PTPN2: variants seen among roughly 807,000 people sequenced by gnomAD.
PTPN2 encodes the protein tyrosine-protein phosphatase non-receptor type 2.
A neutral mutation model predicts 57.3 loss-of-function variants in PTPN2; 19 were observed. The observed-to-expected ratio is 0.33, with a 90% CI of 0.23 to 0.49. The LOEUF is 0.49. Ranked by LOEUF, PTPN2 falls within the 20% of genes least tolerant of loss-of-function variation. The pLI, the probability that PTPN2 is intolerant of heterozygous loss-of-function variation, is 0.99. For synonymous variants in PTPN2, 153 were observed against 164.9 expected, an observed-to-expected ratio of 0.93 and a Z score of 0.55; for missense variants, 358 against 501.1, an observed-to-expected ratio of 0.71 and a Z score of 2.73.
At position 12,851,485 on chromosome 18, in the gene PTPN2, CAAAAAAAAAAAA is replaced by C. The variant is rs1218202992; in HGVS notation, c.160+7667_160+7678del. ...TGGGCGACAGAGCGAGACTCCGTCT[CAAAAAAAAAAAA>C]AAAAAAAGAAAAAAGAATAATATTA... On this transcript the variant is annotated intron_variant, in intron 2 of 8. Transcript: ENST00000309660. 2.0e-4 allele frequency among the ~76,000 whole-genome samples: 2 copies of C among 9,908 alleles called. 1 individual carries two copies. Among genetic ancestry groups the C allele is most frequent in the African/African-American group, 4.4e-4 (2 of 4,518 alleles). 6.5% of individuals were successfully genotyped at this position (9,908 alleles called of 152,430 possible).
intron 2 of PTPN2, among the ~76,000 whole-genome samples, chr18:12,858,456 G>A (rs969988089): frequency 3.3e-5 from 5 of 152,156 alleles, no homozygotes; most frequent in African/African-American, 7.2e-5. Flanking sequence ...AATTGTGTGC[G>A]TCTGTGTGTG....
chr18:12,831,150 A>G, intron 3 of PTPN2, 109 bp from the exon 4 acceptor site: 1 of 650,640 alleles, frequency 1.5e-6, no homozygotes, highest in Non-Finnish European at 2.7e-6. Context: ...CAGACAGCGG[A>G]CGGGCTTATA....
intron 1 of PTPN2, among the ~76,000 whole-genome samples, chr18:12,865,290 C>G (rs1199428867): frequency 6.6e-6 from 1 of 151,858 alleles, no homozygotes; most frequent in African/African-American, 2.4e-5. Flanking sequence ...TTAAAATTAG[C>G]AAGGCATGGT....
chr18:12,845,433 A>C (rs1377936837), intron 2 of PTPN2, among the ~76,000 whole-genome samples: 1 of 151,962 alleles, frequency 6.6e-6, no homozygotes, highest in Non-Finnish European at 1.5e-5. Flanking sequence ...AACATATTCC[A>C]TTTTCTTAGA....
chr18:12,884,115 G>A lies in PTPN2; in HGVS notation c.27C>T (p.Phe9=), dbSNP rs1330425585. Residue 9 remains phenylalanine, a synonymous_variant, in exon 1 of 9, where the codon TTC becomes TTT. Coordinates refer to ENST00000309660, the MANE Select transcript of PTPN2 (RefSeq NM_002828.4). Reference sequence around the variant, plus strand: ...AGCGACGCTGAGTATCCAACTCTTCGAACTCCCGCTCGATGGTGGTGGGCA... The same window carrying A: ...AGCGACGCTGAGTATCCAACTCTTCAAACTCCCGCTCGATGGTGGTGGGCA... MPTTIERE[F]EELDTQRRWQ... is the part of the protein sequence containing the mutation. The A allele has an allele frequency of 1.3e-6, 2 of 1,588,784 alleles. No individual in the cohort carries two copies. The highest frequency in any genetic ancestry group is 3.5e-5 in the Admixed American group (2 of 57,014).
intron 1 of PTPN2, chr18:12,880,786 G>A (rs1409742232): frequency 2.0e-5 from 3 of 152,122 alleles, no homozygotes; most frequent in Admixed American, 6.5e-5. Flanking sequence ...ATCTTCCCTA[G>A]ATGATCTCAT....
intron 2 of PTPN2, among the ~76,000 whole-genome samples, chr18:12,852,244 C>T (rs2043423509): frequency 8.7e-6 from 1 of 115,330 alleles, no homozygotes; most frequent in Admixed American, 9.5e-5. Context: ...TGTTTCATGG[C>T]CAGTGAAAAG....
At chr18:12,841,471 A>T (rs1055998457) in intron 2 of PTPN2, among the ~76,000 whole-genome samples, 1 of 152,252 alleles carries the variant, frequency 6.6e-6, no homozygotes, top group Non-Finnish European at 1.5e-5. Context: ...AATACACTGA[A>T]AGCGTAATCA....
At chr18:12,865,438 T>TAAA (rs376422275) in intron 1 of PTPN2, among the ~76,000 whole-genome samples, 1 of 129,488 alleles carries the variant, frequency 7.7e-6, no homozygotes, top group Non-Finnish European at 1.7e-5. Context: ...CTGTCTTTAT[T>TAAA]AAAAAAAAAA....
intron 7 of PTPN2, among the ~76,000 whole-genome samples, chr18:12,804,681 C>T (rs765568914): frequency 2.0e-5 from 3 of 152,082 alleles, no homozygotes; most frequent in Admixed American, 6.5e-5. Flanking sequence ...CAAAACGGAA[C>T]CATGAAGACA....
intron 7 of PTPN2, among the ~76,000 whole-genome samples, chr18:12,807,843 G>A (rs897708591): frequency 6.6e-6 from 1 of 151,776 alleles, no homozygotes; most frequent in African/African-American, 2.4e-5. Context: ...TCAACAGGGG[G>A]ATGAGTTCTG....
At chr18:12,873,629 G>T (rs1276437157) in intron 1 of PTPN2, among the ~76,000 whole-genome samples, 1 of 152,162 alleles carries the variant, frequency 6.6e-6, no homozygotes, top group Admixed American at 6.5e-5. Flanking sequence ...GCGTGATCTC[G>T]GCTCGCTACA....
chr18:12,810,480 C>T (rs2041854672), intron 7 of PTPN2, among the ~76,000 whole-genome samples: 1 of 152,162 alleles, frequency 6.6e-6, no homozygotes, highest in Non-Finnish European at 1.5e-5. Context: ...GGGTCTTACT[C>T]TGTTGCCCAG....
chr18:12,815,737 C>T (rs777921637), intron 6 of PTPN2, among the ~76,000 whole-genome samples: 23 of 152,212 alleles, frequency 1.5e-4, no homozygotes, highest in South Asian at 1.0e-3. Flanking sequence ...AAGACTCAAC[C>T]GTTCCCAATT....
rs113366025 is a variant in PTPN2, at chr18:12,870,445, A to G, written c.70-11191T>C. Among the ~76,000 whole-genome samples the G allele has an allele frequency of 2.0e-4, 5 of 25,404 alleles. 1 individual carries two copies. Among genetic ancestry groups the G allele is most frequent in the Middle Eastern group, 0.037 (2 of 54 alleles). The allele number at this position is 25,404 out of a possible 152,430, so 16.7% of individuals were successfully genotyped here. On this transcript the variant is annotated intron_variant, in intron 1 of 8. Coordinates refer to ENST00000309660, the MANE Select transcript of PTPN2 (RefSeq NM_002828.4). ...TATATACGTATATATATATGTGTAT[A>G]TATATATATATATATATAGAGAGAG... is the stretch of plus-strand genomic sequence containing the variant.
intron 1 of PTPN2, among the ~76,000 whole-genome samples, chr18:12,860,346 C>T (rs2043756683): frequency 6.6e-6 from 1 of 151,464 alleles, no homozygotes; most frequent in South Asian, 2.1e-4. Context: ...TGCCTGTAAT[C>T]CCAGCACTTT....
chr18:12,874,689 GT>G (rs1242207690), intron 1 of PTPN2, among the ~76,000 whole-genome samples: 4 of 148,098 alleles, frequency 2.7e-5, no homozygotes, highest in Non-Finnish European at 6.0e-5. Flanking sequence ...AGGTGGGGGG[GT>G]CAACCCCTCG....
At chr18:12,882,113 A>AATGG (rs1279710886) in intron 1 of PTPN2, among the ~76,000 whole-genome samples, 1 of 152,190 alleles carries the variant, frequency 6.6e-6, no homozygotes. Context: ...GGAATGGCTG[A>AATGG]ATGGATGTTC....
chr18:12,880,097 G>C (rs545089479), intron 1 of PTPN2, among the ~76,000 whole-genome samples: 1 of 152,296 alleles, frequency 6.6e-6, no homozygotes, highest in Admixed American at 6.5e-5. Context: ...ACCCAGCATG[G>C]GCAGGTCAAG....
Sources: gnomAD v4.1 joint callset for allele counts (sites outside exome capture counted in the v4.1 genomes callset) on GRCh38, gnomAD v4.1.1 for gene constraint, MANE v1.5 for transcripts, NCBI Gene and HGNC (gene_info 2026-07-23, HGNC 2026-07-21) for gene names.